The following UNC79 variants were observed in gnomAD, a reference collection of about 807,000 sequenced individuals.
UNC79 encodes the protein unc-79 subunit of NALCN channel complex, also known as protein unc-79 homolog.
A neutral mutation model predicts 283.1 loss-of-function variants in UNC79; 37 were observed. The ratio of observed to expected loss-of-function variants is 0.13; its 90% CI spans 0.10 to 0.17. The LOEUF (loss-of-function observed/expected upper bound fraction) is 0.17. UNC79 is among the 10% of genes least tolerant of loss of function. UNC79 has a pLI of 1.00. For synonymous variants in UNC79, 1,107 were observed against 1,200.2 expected (o/e 0.92, Z 1.61); for missense variants, 2,272 against 3,211.1 (o/e 0.71, Z 7.07).
At chr14:93,394,231 A>C (rs949576946) in intron 1 of UNC79, among the ~76,000 whole-genome samples, 39 of 152,146 alleles carry the variant, frequency 2.6e-4, no homozygotes, top group African/African-American at 9.2e-4. Context: ...TGTAATAAAA[A>C]ATAATGATAC....
intron 14 of UNC79, among the ~76,000 whole-genome samples, chr14:93,549,190 G>A (rs1482258876): frequency 6.6e-6 from 1 of 152,100 alleles, no homozygotes; most frequent in Non-Finnish European, 1.5e-5. Flanking sequence ...TTAGTATACC[G>A]TTAAGGTTTC....
chr14:93,366,787 G>A (rs926216332), intron 1 of UNC79, among the ~76,000 whole-genome samples: 1 of 151,954 alleles, frequency 6.6e-6, no homozygotes, highest in Non-Finnish European at 1.5e-5. Flanking sequence ...TGGCCAGGCT[G>A]GTCTTGAACT....
intron 1 of UNC79, among the ~76,000 whole-genome samples, chr14:93,462,824 G>C (rs571128985): frequency 1.3e-5 from 2 of 152,272 alleles, no homozygotes; most frequent in African/African-American, 4.8e-5. Context: ...TTTCTTGGGG[G>C]AAGGGAGACC....
At chr14:93,357,328 G>C (rs1425494795) in intron 1 of UNC79, among the ~76,000 whole-genome samples, 1 of 152,126 alleles carries the variant, frequency 6.6e-6, no homozygotes, top group Non-Finnish European at 1.5e-5. Flanking sequence ...TTGGATTGAA[G>C]GATGCAAAGT....
chr14:93,436,537 C>T (rs1435879280), intron 1 of UNC79, among the ~76,000 whole-genome samples: 1 of 151,802 alleles, frequency 6.6e-6, no homozygotes, highest in Non-Finnish European at 1.5e-5. Context: ...CCTCTTCAGA[C>T]CAGTTTTACT....
At chr14:93,630,643 A>G (rs2067952917) in intron 30 of UNC79, among the ~76,000 whole-genome samples, 158 bp from the exon 33 acceptor site, 2 of 152,344 alleles carry the variant, frequency 1.3e-5, no homozygotes, top group African/African-American at 4.8e-5. Context: ...GAGCATTGTA[A>G]CTAGTGTATA....
At chr14:93,418,658 G>A (rs2055519412) in intron 1 of UNC79, among the ~76,000 whole-genome samples, 1 of 151,884 alleles carries the variant, frequency 6.6e-6, no homozygotes, top group Admixed American at 6.6e-5. Context: ...GCCTCCTTGA[G>A]CTGTGGTGGG....
rs779876940 is a variant in UNC79, at chr14:93,474,413, C to T, written c.448+20C>T. On this transcript the variant is annotated intron_variant, in intron 3 of 48. Coordinates refer to ENST00000555664, the Ensembl canonical transcript of UNC79. This position sits in a 1 kb window ranked among gnomAD's most constrained non-coding sequence, Gnocchi z 4.1. ...AACACGGTGAGCACTTAGCTGAAAC[C>T]TTTGGAAATGTACGTGGATGCTTAT... is the stretch of plus-strand genomic sequence containing the variant. 1.3e-6 allele frequency: 2 copies of T among 1,527,300 alleles called. No individual in the cohort carries two copies. The highest frequency in any genetic ancestry group is 1.2e-5 in the South Asian group (1 of 83,128). 94.6% of individuals were successfully genotyped at this position (1,527,300 alleles called of 1,614,324 possible).
chr14:93,571,790 G>T, intron 14 of UNC79, 104 bp from the exon 15 acceptor site: 1 of 1,193,932 alleles, frequency 8.4e-7, no homozygotes, highest in East Asian at 2.5e-5. Context: ...CAGACATGAT[G>T]GATTGTGGCC....
At chr14:93,576,914 A>G (rs1480005109) in intron 17 of UNC79, among the ~76,000 whole-genome samples, 1 of 152,070 alleles carries the variant, frequency 6.6e-6, no homozygotes, top group Non-Finnish European at 1.5e-5. Flanking sequence ...AGGAGGCTGA[A>G]GTGGGAGGAT....
At chr14:93,549,593 C>G (rs1429739015) in intron 14 of UNC79, among the ~76,000 whole-genome samples, 2 of 152,068 alleles carry the variant, frequency 1.3e-5, no homozygotes, top group African/African-American at 4.8e-5. Flanking sequence ...TTATATTTAA[C>G]AGAGATTAAT....
intron 26 of UNC79, among the ~76,000 whole-genome samples, chr14:93,612,012 C>A (rs1184727751): frequency 1.3e-5 from 2 of 152,168 alleles, no homozygotes; most frequent in Non-Finnish European, 2.9e-5. Context: ...CAGAGAAAGT[C>A]AATGTCAGGG....
chr14:93,651,118 A>G (rs150749111), intron 35 of UNC79, among the ~76,000 whole-genome samples: 2 of 152,254 alleles, frequency 1.3e-5, no homozygotes, highest in Admixed American at 1.3e-4. Flanking sequence ...TGGGCTCTCT[A>G]TTCTGTTCCA....
intron 1 of UNC79, among the ~76,000 whole-genome samples, chr14:93,414,055 GC>G (rs1418914183): frequency 6.6e-6 from 1 of 151,980 alleles, no homozygotes; most frequent in African/African-American, 2.4e-5. Flanking sequence ...GTCAATTTTG[GC>G]TTTTGTTGCC....
chr14:93,518,049 ATTGTT>A (rs1193108194), intron 7 of UNC79, among the ~76,000 whole-genome samples: 1 of 151,998 alleles, frequency 6.6e-6, no homozygotes, highest in Non-Finnish European at 1.5e-5. Context: ...TATGAGAGAT[ATTGTT>A]TTGTTTTATT....
rs553363599 is a variant in UNC79 at position 93,647,705 on chromosome 14, T to C, written c.6083+1059T>C. Among the ~76,000 whole-genome samples, 9 of 152,268 alleles carry C rather than the reference T, an allele frequency of 5.9e-5. No homozygotes were observed. In the East Asian group the frequency reaches 1.2e-3, roughly 20 times the overall value. On this transcript the variant is annotated intron_variant, in intron 35 of 48. Transcript: ENST00000555664. ...ATTTTAAGGATGCAGCAGGGAGTCA[T>C]TGGAGTGAGGAGCAATGTGCTTTAA... is the stretch of plus-strand genomic sequence containing the variant.
intron 19 of UNC79, among the ~76,000 whole-genome samples, chr14:93,580,629 C>T (rs6575343): frequency 0.13 from 19,714 of 152,136 alleles, 3,422 homozygotes; most frequent in African/African-American, 0.4. Flanking sequence ...TCATATGGTT[C>T]CATGCATTAG....
chr14:93,565,312 G>A (rs577837638), intron 14 of UNC79, among the ~76,000 whole-genome samples: 1 of 152,292 alleles, frequency 6.6e-6, no homozygotes, highest in South Asian at 2.1e-4. Context: ...TTAATGCATT[G>A]TAATTGTAGT....
chr14:93,655,042 A>T (rs1353313573), intron 37 of UNC79, among the ~76,000 whole-genome samples, 192 bp from the exon 41 acceptor site: 1 of 151,740 alleles, frequency 6.6e-6, no homozygotes, highest in Non-Finnish European at 1.5e-5. Context: ...CCTCTCATCA[A>T]TTTTCCCCCT....
Sources: allele counts gnomAD v4.1 joint callset (sites outside exome capture counted in the v4.1 genomes callset), GRCh38; gene constraint gnomAD v4.1.1; non-coding constraint Gnocchi (gnomAD v3.1); transcripts MANE v1.5; gene names NCBI Gene and HGNC (gene_info 2026-07-23, HGNC 2026-07-21).